The following CCDC198 variants were observed in gnomAD, a reference collection of about 807,000 sequenced individuals.
The protein encoded by CCDC198 is coiled-coil domain containing 198, also known as factor associated with metabolism and energy.
In CCDC198, 18 loss-of-function variants were observed where a neutral mutation model predicts 35.6. The ratio of observed to expected loss-of-function variants is 0.51; its 90% CI spans 0.35 to 0.75. The LOEUF (loss-of-function observed/expected upper bound fraction) is 0.75. CCDC198 is among the 30% of genes least tolerant of loss of function. CCDC198 has a pLI of 0.01. For synonymous variants in CCDC198, 119 were observed against 113.4 expected, an observed-to-expected ratio of 1.05 and a Z score of -0.31; for missense variants, 365 against 343.7, an observed-to-expected ratio of 1.06 and a Z score of -0.49.
At chr14:57,488,973 C>G (rs967755026) in intron 2 of CCDC198, among the ~76,000 whole-genome samples, 2 of 152,136 alleles carry the variant, frequency 1.3e-5, no homozygotes, top group Admixed American at 6.5e-5. Flanking sequence ...GGTGATTCCT[C>G]AAAGACCTAG....
At position 57,480,483 on chromosome 14, in the gene CCDC198, A is replaced by G; in HGVS notation, c.655+112T>C. Reference sequence around the variant, plus strand: ...TATTCTGGGAAGTAAAAATCTCAGCAAGAGCTCAAAGCTGTTTGCTGTCTT... The same window carrying G: ...TATTCTGGGAAGTAAAAATCTCAGCGAGAGCTCAAAGCTGTTTGCTGTCTT... On this transcript the variant is annotated intron_variant, in intron 5 of 5. Coordinates refer to ENST00000216445, the MANE Select transcript of CCDC198 (RefSeq NM_018168.4). 2.2e-6 allele frequency: 3 copies of G among 1,344,434 alleles called. No individual in the cohort carries two copies. In the East Asian group the frequency reaches 7.0e-5, roughly 31 times the overall value. 83.3% of individuals were successfully genotyped at this position (1,344,434 alleles called of 1,614,324 possible).
chr14:57,474,282 G>A (rs7150496), intron 5 of CCDC198, among the ~76,000 whole-genome samples: 36,061 of 152,072 alleles, frequency 0.24, 4,535 homozygotes, highest in Non-Finnish European at 0.26. Flanking sequence ...TTGGTAACTA[G>A]GACCTAAAAA....
intron 2 of CCDC198, among the ~76,000 whole-genome samples, chr14:57,485,020 T>G (rs1180004500): frequency 1.3e-5 from 2 of 152,122 alleles, no homozygotes; most frequent in East Asian, 1.9e-4. Flanking sequence ...GAGTCCACAG[T>G]ACAATGAATG....
chr14:57,493,060 T>A (rs2139576728), intron 1 of CCDC198, among the ~76,000 whole-genome samples: 1 of 152,296 alleles, frequency 6.6e-6, no homozygotes. Flanking sequence ...AACTCACTCT[T>A]AAAGTGTTGC....
intron 3 of CCDC198, 137 bp downstream of exon 3, chr14:57,482,928 G>T: frequency 8.2e-7 from 1 of 1,220,238 alleles, no homozygotes; most frequent in Non-Finnish European, 1.2e-6. Flanking sequence ...TTCTCACTCT[G>T]AATGACTTAA....
chr14:57,488,396 C>G (rs2139547573), intron 2 of CCDC198, among the ~76,000 whole-genome samples: 1 of 152,272 alleles, frequency 6.6e-6, no homozygotes, highest in South Asian at 2.1e-4. Flanking sequence ...AGTGATGGTA[C>G]AGACTTCTAA....
intron 1 of CCDC198, among the ~76,000 whole-genome samples, chr14:57,492,579 A>G (rs547542944): frequency 6.6e-6 from 1 of 152,206 alleles, no homozygotes; most frequent in South Asian, 2.1e-4. Context: ...AAGAACATAA[A>G]GAACATAAAA....
At chr14:57,486,427 C>T (rs919502053) in intron 2 of CCDC198, among the ~76,000 whole-genome samples, 1 of 151,552 alleles carries the variant, frequency 6.6e-6, no homozygotes. Context: ...CTCTTTTCTG[C>T]ACTATATGTT....
At chr14:57,476,495 A>C (rs1400614378) in intron 5 of CCDC198, among the ~76,000 whole-genome samples, 2 of 152,176 alleles carry the variant, frequency 1.3e-5, no homozygotes, top group Non-Finnish European at 2.9e-5. Flanking sequence ...AAACACATTA[A>C]ATCTCATAGA....
intron 2 of CCDC198, 136 bp downstream of exon 2, chr14:57,490,853 T>C (rs1055662063): frequency 1.2e-6 from 1 of 858,024 alleles, no homozygotes; most frequent in Non-Finnish European, 1.8e-6. Flanking sequence ...TTGCGATTGA[T>C]GACATTTTTC....
chr14:57,484,493 T>A (rs1164847672), intron 2 of CCDC198, among the ~76,000 whole-genome samples: 1 of 152,172 alleles, frequency 6.6e-6, no homozygotes, highest in East Asian at 1.9e-4. Flanking sequence ...CTCAGTCTTC[T>A]AGCAAACTAA....
chr14:57,489,297 T>C (rs2067479530), intron 2 of CCDC198, among the ~76,000 whole-genome samples: 1 of 152,092 alleles, frequency 6.6e-6, no homozygotes, highest in African/African-American at 2.4e-5. Flanking sequence ...CACTACATGT[T>C]CTCACTTATA....
chr14:57,487,920 G>T (rs951236500), intron 2 of CCDC198, among the ~76,000 whole-genome samples: 33 of 152,124 alleles, frequency 2.2e-4, no homozygotes, highest in Admixed American at 2.1e-3. Context: ...AGTTTCTAGT[G>T]ATTTCCCTCC....
intron 5 of CCDC198, chr14:57,475,221 A>G: frequency 4.8e-6 from 2 of 416,302 alleles, no homozygotes; most frequent in Non-Finnish European, 6.4e-6. Flanking sequence ...AGATTGTGCC[A>G]CTGCACTCCA....
chr14:57,489,973 A>C (rs1038561813), intron 2 of CCDC198, among the ~76,000 whole-genome samples: 2 of 152,180 alleles, frequency 1.3e-5, no homozygotes, highest in Non-Finnish European at 2.9e-5. Context: ...CTTTATCTAA[A>C]TAATGATTTT....
At chr14:57,483,492 G>T (rs768747117) in intron 2 of CCDC198, among the ~76,000 whole-genome samples, 1 of 152,118 alleles carries the variant, frequency 6.6e-6, no homozygotes, top group Non-Finnish European at 1.5e-5. Flanking sequence ...TAAAAGAGGC[G>T]CTAGGAATTT....
rs756943054 is a variant in CCDC198, at chr14:57,493,711, C to A, written c.5G>T (p.Gly2Val). The change falls in exon 1 of 6, where the codon GGC becomes GTC. Residue 2 changes from glycine (G) to valine (V), a missense_variant. By Grantham distance (109) the Gly-to-Val change is moderately radical. Transcript: ENST00000216445. M[G>V]LSHSKTHLRV... ...AAGGTGAGTCTTAGAGTGACTCAGG[C>A]CCATTTCATGTGAAAGACATTCAGA... 3.7e-6 allele frequency: 6 copies of A among 1,611,390 alleles called. No individual in the cohort carries two copies. In the South Asian group the frequency reaches 6.6e-5, roughly 18 times the overall value.
At chr14:57,472,998 G>T (rs1245561343) in intron 5 of CCDC198, among the ~76,000 whole-genome samples, 2 of 152,162 alleles carry the variant, frequency 1.3e-5, no homozygotes, top group African/African-American at 4.8e-5. Context: ...GATATCTGAA[G>T]TTGTGTATTA....
Position 57,493,621 on chromosome 14 carries a change from T to C in CCDC198, c.95A>G (p.Asp32Gly), listed in dbSNP as rs1594830863. The C allele has an allele frequency of 6.2e-7, 1 of 1,613,940 alleles. No individual in the cohort carries two copies. Among genetic ancestry groups the C allele is most frequent in the Non-Finnish European group, 8.5e-7 (1 of 1,179,904 alleles). The change falls in exon 1 of 6, where the codon GAC becomes GGC. Residue 32 changes from aspartate (D) to glycine (G), a missense_variant. Coordinates refer to ENST00000216445, the MANE Select transcript of CCDC198 (RefSeq NM_018168.4). Reference protein sequence around the residue: ...EVETPSAGRVDFAFNQNLEEK... With the variant: ...EVETPSAGRVGFAFNQNLEEK... ...TTCCAAATTCTGATTGAATGCAAAG[T>C]CCACACGGCCAGCCGAGGGAGTCTC...
Sources: gnomAD v4.1 joint callset for allele counts (sites outside exome capture counted in the v4.1 genomes callset) on GRCh38, gnomAD v4.1.1 for gene constraint, MANE v1.5 for transcripts, NCBI Gene and HGNC (gene_info 2026-07-23, HGNC 2026-07-21) for gene names.